The following MARCHF3 variants were observed in gnomAD, a reference collection of about 807,000 sequenced individuals.
The protein encoded by MARCHF3 is membrane associated ring-CH-type finger 3.
In MARCHF3, 13 loss-of-function variants were observed where a neutral mutation model predicts 24.2. The observed-to-expected ratio is 0.54, with a 90% confidence interval of 0.35 to 0.85. The LOEUF (loss-of-function observed/expected upper bound fraction) is 0.85. Among genes scored for constraint, MARCHF3 ranks in the 40% least tolerant of loss-of-function variants. The pLI, the probability that MARCHF3 is intolerant of heterozygous loss-of-function variation, is 0.01. For missense variants in MARCHF3, 276 were observed against 325.0 expected, an observed-to-expected ratio of 0.85 and a Z score of 1.16; for synonymous variants, 144 against 137.3, an observed-to-expected ratio of 1.05 and a Z score of -0.34.
intron 1 of MARCHF3, among the ~76,000 whole-genome samples, chr5:126,996,434 C>T (rs114634641): frequency 0.022 from 3,403 of 152,164 alleles, 112 homozygotes; most frequent in African/African-American, 0.078. Context: ...TATTTAGTCT[C>T]CCACTTTGTG....
chr5:127,000,812 G>A (rs771647356), intron 1 of MARCHF3, among the ~76,000 whole-genome samples: 3 of 151,870 alleles, frequency 2.0e-5, no homozygotes, highest in African/African-American at 4.8e-5. Flanking sequence ...GACTACAGGC[G>A]CCCGCCACCA....
chr5:127,024,882 TG>T (rs1404545674), intron 1 of MARCHF3, among the ~76,000 whole-genome samples: 1 of 152,224 alleles, frequency 6.6e-6, no homozygotes, highest in East Asian at 1.9e-4. Flanking sequence ...ACTTGAAATA[TG>T]TTTATATTTT....
chr5:126,980,739 C>A (rs1428254466), intron 1 of MARCHF3, among the ~76,000 whole-genome samples: 1 of 152,168 alleles, frequency 6.6e-6, no homozygotes, highest in Non-Finnish European at 1.5e-5. Context: ...CTGTGGGCCA[C>A]CAGTTTGCAA....
At chr5:126,954,624 G>C (rs1398976420) in intron 1 of MARCHF3, among the ~76,000 whole-genome samples, 4 of 150,568 alleles carry the variant, frequency 2.7e-5, no homozygotes, top group African/African-American at 7.3e-5. Flanking sequence ...TCCCACTTCA[G>C]CCTCCTGAAT....
intron 1 of MARCHF3, among the ~76,000 whole-genome samples, chr5:126,958,679 A>C (rs906259936): frequency 3.9e-5 from 6 of 152,096 alleles, no homozygotes; most frequent in Non-Finnish European, 8.8e-5. Flanking sequence ...ATCAAATGTG[A>C]CTTTTTTTTT....
At chr5:126,974,943 A>T (rs1751144213) in intron 1 of MARCHF3, among the ~76,000 whole-genome samples, 1 of 152,190 alleles carries the variant, frequency 6.6e-6, no homozygotes, top group African/African-American at 2.4e-5. Context: ...AGTGGGATAT[A>T]ACATTCTTTT....
chr5:126,920,326 A>G (rs1325560722), intron 1 of MARCHF3, among the ~76,000 whole-genome samples: 2 of 152,194 alleles, frequency 1.3e-5, no homozygotes, highest in Admixed American at 1.3e-4. Context: ...AAAACTGTGC[A>G]TAACTACTCT....
At chr5:126,889,878 C>T (rs973996543) in intron 3 of MARCHF3, among the ~76,000 whole-genome samples, 2 of 152,178 alleles carry the variant, frequency 1.3e-5, no homozygotes, top group Non-Finnish European at 2.9e-5. Flanking sequence ...ATCCCACCAC[C>T]ATTTAAGTAA....
chr5:126,963,871 A>C (rs975157961), intron 1 of MARCHF3, among the ~76,000 whole-genome samples: 1 of 152,184 alleles, frequency 6.6e-6, no homozygotes, highest in East Asian at 1.9e-4. Context: ...ATTCTTTCTT[A>C]GTCTCCATGT....
chr5:127,001,083 C>CA (rs1475570366), intron 1 of MARCHF3, among the ~76,000 whole-genome samples: 4 of 151,110 alleles, frequency 2.6e-5, no homozygotes, highest in Non-Finnish European at 5.9e-5. Context: ...ATTAAAAATA[C>CA]AAAAATTAGC....
At chr5:127,008,117 A>AT in intron 1 of MARCHF3, among the ~76,000 whole-genome samples, 1 of 152,282 alleles carries the variant, frequency 6.6e-6, no homozygotes, top group East Asian at 1.9e-4. Flanking sequence ...TTCTTTGGGT[A>AT]TAAAAAAAAT....
intron 1 of MARCHF3, among the ~76,000 whole-genome samples, chr5:127,000,121 A>T (rs185319354): frequency 1.6e-3 from 236 of 151,786 alleles, no homozygotes; most frequent in African/African-American, 5.5e-3. Context: ...GCAGATTGAA[A>T]GAGATCCTTC....
At chr5:126,870,886 C>A in intron 4 of MARCHF3, 95 bp from the exon 5 acceptor site, 1 of 1,505,414 alleles carries the variant, frequency 6.6e-7, no homozygotes, top group Admixed American at 2.0e-5. Context: ...GAAAGAGCTT[C>A]AAAGAGCTGG....
intron 1 of MARCHF3, among the ~76,000 whole-genome samples, chr5:126,979,232 G>C (rs1751305693): frequency 6.6e-6 from 1 of 152,146 alleles, no homozygotes; most frequent in African/African-American, 2.4e-5. Flanking sequence ...CCAGACTGCG[G>C]CTCTTTAGGA....
intron 4 of MARCHF3, among the ~76,000 whole-genome samples, 193 bp from the exon 5 acceptor site, chr5:126,870,984 T>C (rs1185218897): frequency 6.6e-6 from 1 of 152,228 alleles, no homozygotes; most frequent in African/African-American, 2.4e-5. Context: ...AAGAGCACCC[T>C]ATGTGTGGAC....
chr5:126,872,366 C>T (rs1753005015), intron 4 of MARCHF3, among the ~76,000 whole-genome samples: 1 of 152,008 alleles, frequency 6.6e-6, no homozygotes, highest in Admixed American at 6.6e-5. Context: ...GGCCAAGGTG[C>T]TTGCTTTTTA....
intron 1 of MARCHF3, among the ~76,000 whole-genome samples, chr5:126,921,294 G>C (rs1379609586): frequency 6.6e-6 from 1 of 152,146 alleles, no homozygotes; most frequent in Non-Finnish European, 1.5e-5. Flanking sequence ...TGGCTGAGTT[G>C]GTTCTAATCT....
At position 126,914,627 on chromosome 5, in the gene MARCHF3, T is replaced by C. The variant is rs1424595432; in HGVS notation, c.393+303A>G. 8.3e-6 allele frequency: 4 copies of C among 482,218 alleles called. No individual in the cohort carries two copies. The East Asian group carries it at 9.6e-5, about 12-fold the overall frequency. 29.9% of individuals were successfully genotyped at this position (482,218 alleles called of 1,614,324 possible). On this transcript the variant is annotated intron_variant, in intron 3 of 4. Coordinates refer to ENST00000308660, the MANE Select transcript of MARCHF3 (RefSeq NM_178450.5). ...ATCTGTTGGTTCCATTTCACAGGGA[T>C]TGAAAAATGGAGATCAAGTCTCTAA...
intron 1 of MARCHF3, among the ~76,000 whole-genome samples, chr5:126,975,919 T>G (rs1751179582): frequency 6.6e-6 from 1 of 152,226 alleles, no homozygotes; most frequent in Non-Finnish European, 1.5e-5. Context: ...TGCCATATCA[T>G]ATTCCCAGTA....
Sources: gnomAD v4.1 joint callset for allele counts (sites outside exome capture counted in the v4.1 genomes callset) on GRCh38, gnomAD v4.1.1 for gene constraint, MANE v1.5 for transcripts, NCBI Gene and HGNC (gene_info 2026-07-23, HGNC 2026-07-21) for gene names.